Variants in CCAR1 observed in about 807,000 individuals in gnomAD.
CCAR1 encodes the protein cell division cycle and apoptosis regulator protein 1.
A neutral mutation model predicts 163.8 loss-of-function variants in CCAR1; 78 were observed. That is an observed-to-expected ratio of 0.48 (90% CI 0.40 to 0.57). The LOEUF is 0.57. CCAR1 is among the 20% of genes least tolerant of loss of function. CCAR1 has a pLI of 0.00. For missense variants in CCAR1, 1,019 were observed against 1,365.2 expected, an observed-to-expected ratio of 0.75 and a Z score of 4.00; for synonymous variants, 443 against 460.7, an observed-to-expected ratio of 0.96 and a Z score of 0.49.
At chr10:68,772,449 C>G (rs573656853) in intron 18 of CCAR1, among the ~76,000 whole-genome samples, 2 of 151,414 alleles carry the variant, frequency 1.3e-5, no homozygotes, top group African/African-American at 4.9e-5. Context: ...TGCCACTGCA[C>G]TCCAGCCTGA....
rs200535498 is a variant in CCAR1, at chr10:68,791,663, CAA to C, written c.*400_*401del. On this transcript the variant is annotated 3_prime_UTR_variant, in exon 25 of 25. Coordinates refer to ENST00000265872, the MANE Select transcript of CCAR1 (RefSeq NM_018237.4). ...TTAGTTCATCTGTTAAAATTTCAGT[CAA>C]AATCATAAAATAGCATGATGCTTAA... 2,151 of 153,176 alleles carry C rather than the reference CAA, an allele frequency of 0.014. 61 individuals carry two copies. Among genetic ancestry groups the C allele is most frequent in the African/African-American group, 0.049 (2,040 of 41,536 alleles). The allele number at this position is 153,176 out of a possible 1,614,324, so 9.5% of individuals were successfully genotyped here. A position where few individuals can be genotyped will look rare whatever the true frequency, so the allele number is the denominator to read the frequency against.
rs959068460 is a variant in CCAR1, at chr10:68,771,642, A to T, written c.2538+197A>T. 2.7e-3 allele frequency among the ~76,000 whole-genome samples: 411 copies of T among 152,110 alleles called. 3 individuals are homozygous for T. Among genetic ancestry groups the T allele is most frequent in the African/African-American group, 9.5e-3 (395 of 41,536 alleles). The stretch of plus-strand genomic sequence containing the variant: ...ACTAAAGATCCAAAAAATTAGCCTG[A>T]CATGATGGCACATGCCTATAGTCCT... On this transcript the variant is annotated intron_variant, in intron 18 of 24. Transcript: ENST00000265872.
chr10:68,742,255 A>G, intron 5 of CCAR1, 121 bp from the exon 6 acceptor site: 2 of 679,606 alleles, frequency 2.9e-6, no homozygotes, highest in Non-Finnish European at 2.4e-6. Flanking sequence ...CAAGATGTAC[A>G]TGTATATCTT....
At chr10:68,783,714 A>G (rs933055411) in intron 19 of CCAR1, among the ~76,000 whole-genome samples, 4 of 152,176 alleles carry the variant, frequency 2.6e-5, no homozygotes, top group African/African-American at 9.6e-5. Flanking sequence ...TGAAGATGGG[A>G]TGGAACTGCT....
chr10:68,729,013 A>G (rs568012752), intron 2 of CCAR1, among the ~76,000 whole-genome samples: 179 of 152,100 alleles, frequency 1.2e-3, no homozygotes, highest in Non-Finnish European at 2.4e-3. Context: ...AGCATGTGCT[A>G]CATCTGCTTT....
intron 16 of CCAR1, among the ~76,000 whole-genome samples, chr10:68,761,792 G>A (rs551575905): frequency 1.3e-5 from 2 of 151,522 alleles, no homozygotes; most frequent in East Asian, 3.9e-4. Flanking sequence ...AGTAGAGAAG[G>A]TGTTTTTCCA....
At chr10:68,754,122 AT>A in intron 11 of CCAR1, 45 bp downstream of exon 11, 1 of 1,321,516 alleles carries the variant, frequency 7.6e-7, no homozygotes, top group Non-Finnish European at 1.1e-6. Context: ...CTTAGCAGTT[AT>A]TCATAATAAA....
intron 2 of CCAR1, among the ~76,000 whole-genome samples, chr10:68,730,430 T>C (rs984433962): frequency 1.3e-5 from 2 of 151,500 alleles, no homozygotes; most frequent in Non-Finnish European, 2.9e-5. Flanking sequence ...CTCCACCTCT[T>C]GGGTTCAAGT....
rs766428186 is a variant in CCAR1, at chr10:68,761,184, G to A, written c.2098G>A (p.Asp700Asn). ...DEDDDRKSED[D>N]KEEEERKRQE... Reference sequence around the variant, plus strand: ...GGATGATGATAGGAAATCTGAAGACGATAAAGAGGTATGTACTCAATCTAT... The same window carrying A: ...GGATGATGATAGGAAATCTGAAGACAATAAAGAGGTATGTACTCAATCTAT... Residue 700 changes from aspartate to asparagine, a missense_variant, in exon 16 of 25, where the codon GAT becomes AAT. Transcript: ENST00000265872. The A allele has an allele frequency of 4.4e-6, 7 of 1,592,934 alleles. No individual in the cohort carries two copies. The African/African-American group carries it at 5.4e-5, about 12-fold the overall frequency.
At position 68,747,218 on chromosome 10, in the gene CCAR1, T is replaced by G; in HGVS notation, c.576T>G (p.Tyr192Ter). The change falls in exon 7 of 25, where the codon TAT becomes TAG. Residue 192 changes from tyrosine (Y) to a stop codon, truncating the protein, a stop_gained. Transcript: ENST00000265872. LOFTEE classifies it high-confidence loss of function. ...ACAGAGTATTGGTTGAAGCTACTTA[T>G]AATCCTAATATGCCTTTTAAATGGA... ...VGDRVLVEATYNPNMPFKWNA... is the reference protein window; with the variant it reads ...VGDRVLVEAT The G allele has an allele frequency of 6.2e-7, 1 of 1,612,360 alleles. No homozygotes were observed. The highest frequency in any genetic ancestry group is 8.5e-7 in the Non-Finnish European group (1 of 1,179,368).
intron 19 of CCAR1, among the ~76,000 whole-genome samples, chr10:68,779,777 A>C (rs1402979160): frequency 6.6e-6 from 1 of 152,192 alleles, no homozygotes; most frequent in Non-Finnish European, 1.5e-5. Flanking sequence ...AAACTATGGA[A>C]TCAATCTGAA....
At chr10:68,723,663 A>G (rs925548923) in intron 2 of CCAR1, among the ~76,000 whole-genome samples, 2 of 149,936 alleles carry the variant, frequency 1.3e-5, no homozygotes, top group East Asian at 2.0e-4. Context: ...CCTGGCTTAC[A>G]TGGTGTAACC....
At chr10:68,765,746 T>C (rs1463713441) in intron 16 of CCAR1, 142 bp from the exon 17 acceptor site, 5 of 564,724 alleles carry the variant, frequency 8.9e-6, no homozygotes, top group South Asian at 2.7e-5. Context: ...TCAACGCTTA[T>C]GGTTTGTATA....
intron 23 of CCAR1, 21 bp from the exon 24 acceptor site, chr10:68,789,689 T>A: frequency 7.0e-7 from 1 of 1,422,076 alleles, no homozygotes; most frequent in Non-Finnish European, 9.6e-7. Flanking sequence ...AAAATGTTAA[T>A]TTTTGGATTT....
intron 19 of CCAR1, chr10:68,774,875 G>C: frequency 2.8e-6 from 1 of 357,858 alleles, no homozygotes; most frequent in South Asian, 2.2e-5. Context: ...TTTCTAGGTA[G>C]ATTTGTGGCT....
chr10:68,723,628 C>G (rs988521050), intron 2 of CCAR1, among the ~76,000 whole-genome samples: 1 of 150,286 alleles, frequency 6.7e-6, no homozygotes, highest in African/African-American at 2.4e-5. Flanking sequence ...GCGGGCAGAT[C>G]ACAAGGTCAG....
chr10:68,721,627 C>T (rs1427563294), intron 1 of CCAR1: 2 of 444,092 alleles, frequency 4.5e-6, no homozygotes, highest in Non-Finnish European at 9.0e-6. Flanking sequence ...GTGGCGGCTC[C>T]CGGCGGCGTG....
chr10:68,753,735 C>T (rs2056366123), intron 10 of CCAR1, 117 bp from the exon 11 acceptor site: 1 of 725,234 alleles, frequency 1.4e-6, no homozygotes. Context: ...TAGTAACTGA[C>T]TTTGTCTTTT....
chr10:68,758,619 ATATATATATATGTATATATACACACGTG>A (rs2056427650), intron 15 of CCAR1, among the ~76,000 whole-genome samples: 1 of 112,108 alleles, frequency 8.9e-6, no homozygotes, highest in African/African-American at 3.0e-5. Context: ...GTGTGTGTAT[ATATATATATATGTATATATACACACGTG>A]TATATATATA....
Sources: gnomAD v4.1 joint callset for allele counts (sites outside exome capture counted in the v4.1 genomes callset) on GRCh38, gnomAD v4.1.1 for gene constraint, MANE v1.5 for transcripts, NCBI Gene and HGNC (gene_info 2026-07-23, HGNC 2026-07-21) for gene names.